Variants in KCNMB2 observed in about 807,000 individuals in gnomAD.
KCNMB2 encodes calcium-activated potassium channel subunit beta-2.
KCNMB2 carries 9 observed loss-of-function variants against 24.5 expected under a neutral mutation model. That is an observed-to-expected ratio of 0.37 (90% CI 0.22 to 0.64). KCNMB2 has a LOEUF of 0.64. Ranked by LOEUF, KCNMB2 falls within the 30% of genes least tolerant of loss-of-function variation. KCNMB2 has a pLI of 0.63. For synonymous variants in KCNMB2, 109 were observed against 104.4 expected (o/e 1.04, Z -0.27); for missense variants, 226 against 284.3 (o/e 0.79, Z 1.47).
intron 1 of KCNMB2, among the ~76,000 whole-genome samples, chr3:178,731,402 T>C (rs1034000262): frequency 1.3e-5 from 2 of 152,158 alleles, no homozygotes; most frequent in African/African-American, 2.4e-5. Context: ...TATTATACGA[T>C]AGTTAGCAGC....
At chr3:178,637,049 G>A (rs1719552945) in intron 1 of KCNMB2, among the ~76,000 whole-genome samples, 1 of 151,750 alleles carries the variant, frequency 6.6e-6, no homozygotes, top group Non-Finnish European at 1.5e-5. Context: ...TTTTTTTGTG[G>A]CTGCATAGTA....
chr3:178,605,767 G>A lies in KCNMB2; in HGVS notation c.-68+69056G>A, dbSNP rs557287952. On this transcript the variant is annotated intron_variant, in intron 1 of 4. Transcript: ENST00000452583. ...GTTTATGTTCTAGTGCTTTGTGGAA[G>A]ATAGAACTTGCAAGCTTTGATATTT... Among the ~76,000 whole-genome samples, 36 of 152,320 alleles carry A rather than the reference G, an allele frequency of 2.4e-4. No homozygotes were observed. The South Asian group carries it at 7.5e-3, about 32-fold the overall frequency.
chr3:178,685,781 A>G (rs1455686216), intron 1 of KCNMB2, among the ~76,000 whole-genome samples: 5 of 152,236 alleles, frequency 3.3e-5, no homozygotes, highest in Non-Finnish European at 7.3e-5. Flanking sequence ...CTGAAGGAAT[A>G]AGCATTGATA....
intron 1 of KCNMB2, among the ~76,000 whole-genome samples, chr3:178,582,346 C>A (rs910010332): frequency 1.3e-5 from 2 of 152,140 alleles, no homozygotes; most frequent in Non-Finnish European, 2.9e-5. Flanking sequence ...GAACATCACA[C>A]ACCAGGGCCT....
At chr3:178,606,136 C>T (rs1279258142) in intron 1 of KCNMB2, among the ~76,000 whole-genome samples, 2 of 152,194 alleles carry the variant, frequency 1.3e-5, no homozygotes, top group African/African-American at 4.8e-5. Context: ...TCTTATAGGA[C>T]AGGACCAATC....
chr3:178,541,389 AG>A (rs778518853), intron 1 of KCNMB2, among the ~76,000 whole-genome samples: 1 of 152,296 alleles, frequency 6.6e-6, no homozygotes, highest in Non-Finnish European at 1.5e-5. Context: ...CCAAGTTGGA[AG>A]GGATGATTGG....
intron 1 of KCNMB2, among the ~76,000 whole-genome samples, chr3:178,695,294 C>T (rs2108333547): frequency 6.6e-6 from 1 of 150,868 alleles, no homozygotes; most frequent in South Asian, 2.1e-4. Flanking sequence ...CCCTCCTTGG[C>T]CTCCAGGCCT....
chr3:178,761,327 G>A (rs979467876), intron 1 of KCNMB2, among the ~76,000 whole-genome samples: 1 of 152,102 alleles, frequency 6.6e-6, no homozygotes, highest in Admixed American at 6.6e-5. Flanking sequence ...CACATGGAAC[G>A]AGCAATAGAA....
At chr3:178,747,059 C>A (rs1723693679) in intron 1 of KCNMB2, 1 of 152,616 alleles carries the variant, frequency 6.6e-6, no homozygotes, top group African/African-American at 2.4e-5. Context: ...TCTACTGATA[C>A]CAATTTACTG....
intron 1 of KCNMB2, among the ~76,000 whole-genome samples, chr3:178,722,141 T>A (rs1028557740): frequency 1.3e-5 from 2 of 152,332 alleles, no homozygotes; most frequent in South Asian, 4.1e-4. Flanking sequence ...CCCCATTTTT[T>A]TTCTAAAAGT....
At chr3:178,778,272 A>G (rs1478561491) in intron 1 of KCNMB2, among the ~76,000 whole-genome samples, 2 of 152,170 alleles carry the variant, frequency 1.3e-5, no homozygotes, top group Non-Finnish European at 2.9e-5. Context: ...TAAATCCATT[A>G]AAAAGAGCTA....
chr3:178,597,719 T>C (rs905745328), intron 1 of KCNMB2, among the ~76,000 whole-genome samples: 34 of 152,230 alleles, frequency 2.2e-4, no homozygotes, highest in African/African-American at 7.7e-4. Flanking sequence ...TTCACACAAA[T>C]ATACTCAAAT....
intron 2 of KCNMB2, among the ~76,000 whole-genome samples, chr3:178,825,370 T>C (rs1376877927): frequency 6.6e-6 from 1 of 152,140 alleles, no homozygotes; most frequent in African/African-American, 2.4e-5. Context: ...GGCTTATTTC[T>C]GCTCAGGACT....
intron 2 of KCNMB2, among the ~76,000 whole-genome samples, chr3:178,821,163 A>G (rs1714610304): frequency 6.6e-6 from 1 of 152,106 alleles, no homozygotes. Context: ...CCCACCCTCA[A>G]TTCCTCTCAG....
At chr3:178,568,638 C>T (rs1256229758) in intron 1 of KCNMB2, among the ~76,000 whole-genome samples, 2 of 151,358 alleles carry the variant, frequency 1.3e-5, no homozygotes, top group African/African-American at 2.4e-5. Context: ...GAGAGAAATA[C>T]ATCATAACCA....
chr3:178,625,384 T>A (rs985414473), intron 1 of KCNMB2, among the ~76,000 whole-genome samples: 9 of 152,326 alleles, frequency 5.9e-5, no homozygotes, highest in Admixed American at 3.3e-4. Flanking sequence ...CCGCTTCTTT[T>A]CAGGGACCTG....
chr3:178,619,618 A>G (rs1718837512), intron 1 of KCNMB2, among the ~76,000 whole-genome samples: 1 of 152,186 alleles, frequency 6.6e-6, no homozygotes, highest in African/African-American at 2.4e-5. Flanking sequence ...AATTAAACCA[A>G]AAAAGTCTAA....
At chr3:178,791,308 T>C (rs1031220734) in intron 1 of KCNMB2, among the ~76,000 whole-genome samples, 1 of 152,194 alleles carries the variant, frequency 6.6e-6, no homozygotes, top group East Asian at 1.9e-4. Context: ...TAAGCAAAAA[T>C]TCTGGAGTTG....
At chr3:178,701,930 G>A (rs1722112072) in intron 1 of KCNMB2, among the ~76,000 whole-genome samples, 1 of 152,046 alleles carries the variant, frequency 6.6e-6, no homozygotes, top group African/African-American at 2.4e-5. Flanking sequence ...TGGGTATACT[G>A]GGTATATACC....
Sources: allele counts gnomAD v4.1 joint callset (sites outside exome capture counted in the v4.1 genomes callset), GRCh38; gene constraint gnomAD v4.1.1; transcripts MANE v1.5; gene names NCBI Gene and HGNC (gene_info 2026-07-23, HGNC 2026-07-21).